DNAH17: variants seen among roughly 807,000 people sequenced by gnomAD.
The protein encoded by DNAH17 is dynein axonemal heavy chain 17.
Under a neutral mutation model 485.6 loss-of-function variants are expected in DNAH17, and 376 were observed. The observed-to-expected ratio is 0.77, with a 90% confidence interval of 0.71 to 0.84. The LOEUF (loss-of-function observed/expected upper bound fraction) is 0.84. Ranked by LOEUF, DNAH17 falls within the 40% of genes least tolerant of loss-of-function variation. The pLI, the probability that DNAH17 is intolerant of heterozygous loss-of-function variation, is 0.00. For synonymous variants in DNAH17, 3,031 were observed against 2,405.9 expected, an observed-to-expected ratio of 1.26 and a Z score of -7.60; for missense variants, 6,370 against 5,839.3, an observed-to-expected ratio of 1.09 and a Z score of -2.96.
At chr17:78,561,291 G>C (rs1006440921) in intron 12 of DNAH17, among the ~76,000 whole-genome samples, 2 of 150,562 alleles carry the variant, frequency 1.3e-5, no homozygotes, top group African/African-American at 2.4e-5. Flanking sequence ...CCACATAAAA[G>C]GCCCCCCTCC....
chr17:78,472,286 TAGGGTTAGGGAGTGGGGGTGCG>T (rs1225573580), intron 54 of DNAH17, among the ~76,000 whole-genome samples: 92 of 143,656 alleles, frequency 6.4e-4, no homozygotes, highest in African/African-American at 2.5e-3. Context: ...GTGCGAGGGT[TAGGGTTAGGGAGTGGGGGTGCG>T]AGGGTTAGGG....
chr17:78,428,702 G>C lies in DNAH17; in HGVS notation c.12411C>G (p.Tyr4137Ter). The C allele has an allele frequency of 6.2e-7, 1 of 1,613,408 alleles. No individual in the cohort carries two copies. Among genetic ancestry groups the C allele is most frequent in the Non-Finnish European group, 8.5e-7 (1 of 1,179,514 alleles). ...QIPPNLDYKG[Y>*]HEYIDENLPP... ...GCAGGTTCTCATCGATGTATTCGTG[G>C]TAACCCTGAAAAAGAGGGCAGTTTG... The change falls in exon 77 of 81, where the codon TAC (tyrosine) becomes TAG (stop). Residue 4137 changes from tyrosine (Y) to a stop codon, truncating the protein, a stop_gained. Transcript: ENST00000389840. LOFTEE classifies it high-confidence loss of function.
chr17:78,522,854 CTT>C (rs148046861), intron 25 of DNAH17: 1 of 155,166 alleles, frequency 6.4e-6, no homozygotes, highest in African/African-American at 2.5e-5. Context: ...TTTCCTTTTT[CTT>C]TCTTTTTTTT....
intron 79 of DNAH17, among the ~76,000 whole-genome samples, chr17:78,425,983 G>C (rs932687863): frequency 2.0e-5 from 3 of 151,998 alleles, no homozygotes; most frequent in Non-Finnish European, 2.9e-5. Flanking sequence ...GGCTGGTCTC[G>C]AACTCCTGGC....
intron 73 of DNAH17, among the ~76,000 whole-genome samples, chr17:78,438,852 C>T (rs752698801): frequency 4.2e-4 from 64 of 152,224 alleles, no homozygotes; most frequent in Middle Eastern, 3.4e-3. Context: ...AGCCCAGCTT[C>T]CCTCTCACCG....
In DNAH17 at chr17:78,462,981, T is replaced by G; in HGVS notation, c.9037A>C (p.Asn3013His). The change falls in exon 57 of 81, where the codon AAC becomes CAC. Residue 3013 changes from asparagine to histidine, a missense_variant. By Grantham distance (68) the Asn-to-His change is moderately conservative (BLOSUM62 1). Transcript: ENST00000389840. ...RVYLATERRY[N>H]YTTPKTFLEQ... ...AGAAAGGTTTTGGGTGTGGTGTAGTTGTAGCGCCTCTCAGTAGCCAGGTAT... is the reference window on the plus strand; with the variant it reads ...AGAAAGGTTTTGGGTGTGGTGTAGTGGTAGCGCCTCTCAGTAGCCAGGTAT... 6.2e-7 allele frequency: 1 copy of G among 1,614,002 alleles called. No individual in the cohort carries two copies.
rs982467689 is a variant in DNAH17, at chr17:78,537,541, A to T, written c.2677-60T>A. 7 of 1,558,348 alleles carry T rather than the reference A, an allele frequency of 4.5e-6. No homozygotes were observed. The African/African-American group carries it at 9.5e-5, about 21-fold the overall frequency. The stretch of plus-strand genomic sequence containing the variant: ...CTCTGTCCTCCATCGGATGATTCTC[A>T]GTGCCCTGATCATCCACTCCGTACC... On this transcript the variant is annotated intron_variant, in intron 18 of 80. Coordinates refer to ENST00000389840, the MANE Select transcript of DNAH17 (RefSeq NM_173628.4).
intron 16 of DNAH17, among the ~76,000 whole-genome samples, chr17:78,546,993 C>T (rs760427868): frequency 6.6e-6 from 1 of 152,024 alleles, no homozygotes; most frequent in South Asian, 2.1e-4. Context: ...CAACTTTTTT[C>T]CTCCTCCTAA....
At chr17:78,462,348 G>A (rs2088177170) in intron 57 of DNAH17, among the ~76,000 whole-genome samples, 1 of 152,140 alleles carries the variant, frequency 6.6e-6, no homozygotes, top group Non-Finnish European at 1.5e-5. Context: ...GGAGGTGGCA[G>A]CTATTTTCAG....
rs541759636 is a variant in DNAH17, at chr17:78,484,781, GGGCTCCGCCTCTTCCTGCGCCCCGCCCT to G, written c.7649+59_7649+86del. On this transcript the variant is annotated intron_variant, in intron 48 of 80. Coordinates refer to ENST00000389840, the MANE Select transcript of DNAH17 (RefSeq NM_173628.4). ...ACACCAGTCCTGCCCTACTGCCCTG[GGGCTCCGCCTCTTCCTGCGCCCCGCCCT>G]GGCCCCGCCCTCACCGCCCCGGGGC... 30 of 787,348 alleles carry G rather than the reference GGGCTCCGCCTCTTCCTGCGCCCCGCCCT, an allele frequency of 3.8e-5. No individual in the cohort carries two copies. In the African/African-American group the frequency reaches 7.2e-4, roughly 19 times the overall value. The allele number at this position is 787,348 out of a possible 1,614,324, so 48.8% of individuals were successfully genotyped here.
Position 78,502,926 on chromosome 17 carries a change from T to C in DNAH17, c.5042A>G (p.Glu1681Gly). ...EIPEAVVTYE[E>G]KPREQWILDY... ...CAGGATCCACTGCTCCCTCGGCTTCTCTTCGTAGGTCACCACGGCCTCTGG... is the reference window on the plus strand; with the variant it reads ...CAGGATCCACTGCTCCCTCGGCTTCCCTTCGTAGGTCACCACGGCCTCTGG... Residue 1681 changes from glutamate (E) to glycine (G), a missense_variant, in exon 32 of 81, where the codon GAG (glutamate) becomes GGG (glycine). By Grantham distance (98) the Glu-to-Gly change is moderately conservative. Coordinates refer to ENST00000389840, the MANE Select transcript of DNAH17 (RefSeq NM_173628.4). 6.2e-7 allele frequency: 1 copy of C among 1,613,994 alleles called. No homozygotes were observed. Among genetic ancestry groups the C allele is most frequent in the East Asian group, 2.2e-5 (1 of 44,874 alleles).
rs899149797 is a variant in DNAH17, at chr17:78,541,688, C to T, written c.2533-1808G>A. 5.3e-5 allele frequency among the ~76,000 whole-genome samples: 8 copies of T among 151,974 alleles called. 1 individual carries two copies. Among genetic ancestry groups the T allele is most frequent in the Admixed American group, 3.3e-4 (5 of 15,274 alleles). ...CCTCTGCCCCTCTTAGGCTCCTGTCCCTGCTGCTTGGCTTCAACCTCAGCC... is the reference window on the plus strand; with the variant it reads ...CCTCTGCCCCTCTTAGGCTCCTGTCTCTGCTGCTTGGCTTCAACCTCAGCC... On this transcript the variant is annotated intron_variant, in intron 17 of 80. Coordinates refer to ENST00000389840, the MANE Select transcript of DNAH17 (RefSeq NM_173628.4).
chr17:78,527,323 G>C (rs183403978), intron 22 of DNAH17, among the ~76,000 whole-genome samples: 248 of 152,202 alleles, frequency 1.6e-3, no homozygotes, highest in African/African-American at 5.7e-3. Context: ...GAAGGCAGAG[G>C]CTACTGTGAG....
chr17:78,472,332 G>A (rs904789139), intron 54 of DNAH17, among the ~76,000 whole-genome samples: 1 of 143,094 alleles, frequency 7.0e-6, no homozygotes, highest in Admixed American at 6.8e-5. Flanking sequence ...GGGAATGGGG[G>A]TGCGAGGATT....
chr17:78,505,119 A>G (rs777640667), intron 31 of DNAH17, among the ~76,000 whole-genome samples, 174 bp downstream of exon 31: 5 of 151,926 alleles, frequency 3.3e-5, no homozygotes, highest in Non-Finnish European at 5.9e-5. Flanking sequence ...TGGAAATTCT[A>G]TAAAGAGGCC....
intron 79 of DNAH17, 23 bp downstream of exon 79, chr17:78,426,434 C>T: frequency 1.3e-6 from 2 of 1,574,590 alleles, no homozygotes; most frequent in Non-Finnish European, 1.7e-6. Flanking sequence ...CTTAGGAAGC[C>T]TCTCAGAGAA....
At position 78,462,853 on chromosome 17, in the gene DNAH17, C is replaced by G; in HGVS notation, c.9165G>C (p.Thr3055=). 1.2e-6 allele frequency: 2 copies of G among 1,613,948 alleles called. No homozygotes were observed. The highest frequency in any genetic ancestry group is 4.5e-5 in the East Asian group (2 of 44,886). The change falls in exon 57 of 81, where the codon ACG becomes ACC. Residue 3055 remains threonine, a synonymous_variant. Coordinates refer to ENST00000389840, the MANE Select transcript of DNAH17 (RefSeq NM_173628.4). ...LENGLMKLQS[T]ASQVDDLKAK... is the part of the protein sequence containing the mutation. ...AGCCCCCCTCTCCTACCTGGGAAGC[C>G]GTGCTCTGCAGCTTCATCAGGCCGT...
chr17:78,427,249 A>T, intron 77 of DNAH17, 141 bp from the exon 78 acceptor site: 1 of 788,756 alleles, frequency 1.3e-6, no homozygotes, highest in Admixed American at 2.3e-5. Flanking sequence ...CCAGAAATGC[A>T]GGGTCATGGG....
intron 16 of DNAH17, among the ~76,000 whole-genome samples, chr17:78,549,859 C>T (rs1426285288): frequency 1.3e-5 from 2 of 152,146 alleles, no homozygotes; most frequent in African/African-American, 4.8e-5. Context: ...CTGCTGCGGC[C>T]CCTGCTGAAG....
Sources: allele counts gnomAD v4.1 joint callset (sites outside exome capture counted in the v4.1 genomes callset), GRCh38; gene constraint gnomAD v4.1.1; transcripts MANE v1.5; gene names NCBI Gene and HGNC (gene_info 2026-07-23, HGNC 2026-07-21).